The following TESK2 variants were observed in gnomAD, a reference collection of about 807,000 sequenced individuals.
TESK2 encodes testis associated actin remodelling kinase 2, also known as dual specificity testis-specific protein kinase 2.
Under a neutral mutation model 57.1 loss-of-function variants are expected in TESK2, and 39 were observed. The observed-to-expected ratio is 0.68, with a 90% CI of 0.53 to 0.89. TESK2 has a LOEUF of 0.89. Among genes scored for constraint, TESK2 ranks in the 40% least tolerant of loss-of-function variants. TESK2 has a pLI of 0.00. For missense variants in TESK2, 646 were observed against 732.1 expected (o/e 0.88, Z 1.36); for synonymous variants, 249 against 267.9 (o/e 0.93, Z 0.69).
At chr1:45,461,567 A>G (rs1451251974) in intron 1 of TESK2, among the ~76,000 whole-genome samples, 4 of 152,236 alleles carry the variant, frequency 2.6e-5, no homozygotes, top group African/African-American at 9.6e-5. Flanking sequence ...TGTAGAAAGA[A>G]CAGAGACTTA....
intron 2 of TESK2, among the ~76,000 whole-genome samples, chr1:45,422,281 T>TG (rs1650507470): frequency 6.6e-6 from 1 of 151,758 alleles, no homozygotes. Context: ...TGTTAGCGGG[T>TG]GGGGGGTGAA....
intron 2 of TESK2, among the ~76,000 whole-genome samples, chr1:45,429,323 G>C (rs1650851965): frequency 6.6e-6 from 1 of 152,036 alleles, no homozygotes; most frequent in Non-Finnish European, 1.5e-5. Context: ...TTGAACCCGA[G>C]AGGCAGAGGT....
intron 5 of TESK2, among the ~76,000 whole-genome samples, chr1:45,353,216 G>C (rs555162344): frequency 6.6e-6 from 1 of 152,052 alleles, no homozygotes; most frequent in Admixed American, 6.6e-5. Flanking sequence ...TCTTAGTCTT[G>C]GTTTTCCAAA....
At chr1:45,417,828 T>C (rs542092369) in intron 3 of TESK2, among the ~76,000 whole-genome samples, 3 of 152,168 alleles carry the variant, frequency 2.0e-5, no homozygotes, top group Non-Finnish European at 4.4e-5. Context: ...CCTGACCTCG[T>C]GATCCGCCCA....
At chr1:45,478,519 T>C (rs1653089804) in intron 1 of TESK2, among the ~76,000 whole-genome samples, 2 of 151,990 alleles carry the variant, frequency 1.3e-5, no homozygotes, top group Non-Finnish European at 1.5e-5. Context: ...AAAAGCAAAA[T>C]AAATAGGACA....
chr1:45,414,893 T>C, intron 3 of TESK2: 1 of 405,022 alleles, frequency 2.5e-6, no homozygotes, highest in East Asian at 5.4e-5. Context: ...AATGCTTTAG[T>C]AGAAAACCGT....
At chr1:45,385,358 G>A (rs1648845244) in intron 4 of TESK2, 2 of 984,692 alleles carry the variant, frequency 2.0e-6, no homozygotes, top group Non-Finnish European at 2.4e-6. Context: ...CACATATTCC[G>A]CCTAGCAGAG....
chr1:45,394,274 T>C (rs1188650459), intron 3 of TESK2, among the ~76,000 whole-genome samples: 1 of 151,442 alleles, frequency 6.6e-6, no homozygotes, highest in East Asian at 1.9e-4. Flanking sequence ...CCTGTCTCAC[T>C]GTCTCAGCCT....
chr1:45,432,334 C>T (rs770878315), intron 2 of TESK2, among the ~76,000 whole-genome samples: 1 of 151,800 alleles, frequency 6.6e-6, no homozygotes, highest in Non-Finnish European at 1.5e-5. Flanking sequence ...TACACTAGGC[C>T]GAGTATTTAT....
chr1:45,344,802 A>C lies in TESK2; in HGVS notation c.*38T>G. The C allele has an allele frequency of 6.4e-7, 1 of 1,557,212 alleles. No individual in the cohort carries two copies. Among genetic ancestry groups the C allele is most frequent in the Non-Finnish European group, 8.8e-7 (1 of 1,141,400 alleles). On this transcript the variant is annotated 3_prime_UTR_variant, in exon 11 of 11. Coordinates refer to ENST00000372086, the MANE Select transcript of TESK2 (RefSeq NM_007170.3). The stretch of plus-strand genomic sequence containing the variant: ...CTAGGGGGCCATATGGTTTCAGCTG[A>C]AGGTCCATCCCCAAGGTGAGGCAGG...
At position 45,356,981 on chromosome 1, in the gene TESK2, A is replaced by G. The variant is rs538892710; in HGVS notation, c.394-1532T>C. ...GGCCGAGGCGGGTGGATCACCTGAC[A>G]TCAGGAGTTCAAGACCAGCCTGGCC... On this transcript the variant is annotated intron_variant, in intron 4 of 10. Coordinates refer to ENST00000372086, the MANE Select transcript of TESK2 (RefSeq NM_007170.3). Among the ~76,000 whole-genome samples the G allele has an allele frequency of 8.4e-4, 128 of 151,848 alleles. No individual in the cohort carries two copies. In the East Asian group the frequency reaches 8.8e-3, roughly 10 times the overall value.
At chr1:45,413,792 T>C in intron 3 of TESK2, 3 of 455,902 alleles carry the variant, frequency 6.6e-6, no homozygotes, top group Non-Finnish European at 1.3e-5. Flanking sequence ...TGTGTAATCC[T>C]AGGGTTCCAA....
intron 3 of TESK2, among the ~76,000 whole-genome samples, chr1:45,407,638 T>C (rs574117639): frequency 3.3e-5 from 5 of 152,120 alleles, no homozygotes; most frequent in Non-Finnish European, 7.3e-5. Context: ...TCACGATATC[T>C]GATAGTTTTA....
chr1:45,371,877 G>A (rs1449506432), intron 4 of TESK2, among the ~76,000 whole-genome samples: 4 of 151,240 alleles, frequency 2.6e-5, no homozygotes, highest in Non-Finnish European at 4.4e-5. Context: ...AAAGTAAAAA[G>A]AAAATAGAAT....
intron 1 of TESK2, among the ~76,000 whole-genome samples, chr1:45,466,097 C>CT: frequency 6.6e-6 from 1 of 152,224 alleles, no homozygotes; most frequent in African/African-American, 2.4e-5. Flanking sequence ...AATCCCAACA[C>CT]TTTGAGAGGC....
intron 2 of TESK2, among the ~76,000 whole-genome samples, chr1:45,446,917 T>C: frequency 6.6e-6 from 1 of 152,212 alleles, no homozygotes; most frequent in Non-Finnish European, 1.5e-5. Context: ...TTAAGTGTGA[T>C]TTTTTAAAAT....
intron 2 of TESK2, among the ~76,000 whole-genome samples, chr1:45,444,642 C>T (rs976025487): frequency 1.3e-5 from 2 of 152,194 alleles, no homozygotes; most frequent in Non-Finnish European, 2.9e-5. Context: ...GTTAGTTCAC[C>T]ATATTGGAAC....
intron 3 of TESK2, among the ~76,000 whole-genome samples, chr1:45,409,824 T>C (rs2149283146): frequency 6.6e-6 from 1 of 152,274 alleles, no homozygotes; most frequent in East Asian, 1.9e-4. Flanking sequence ...AGGAAATTAA[T>C]AGTGGTCCAT....
intron 2 of TESK2, among the ~76,000 whole-genome samples, chr1:45,445,197 G>A (rs1187315683): frequency 1.3e-5 from 2 of 151,924 alleles, no homozygotes; most frequent in Non-Finnish European, 1.5e-5. Flanking sequence ...AACCCACTAT[G>A]ATCTCAACCT....
Sources: gnomAD v4.1 joint callset for allele counts (sites outside exome capture counted in the v4.1 genomes callset) on GRCh38, gnomAD v4.1.1 for gene constraint, MANE v1.5 for transcripts, NCBI Gene and HGNC (gene_info 2026-07-23, HGNC 2026-07-21) for gene names.